Variants in PLXNC1 observed in about 807,000 individuals in gnomAD.
PLXNC1 encodes plexin-C1.
Under a neutral mutation model 178.2 loss-of-function variants are expected in PLXNC1, and 75 were observed. The ratio of observed to expected loss-of-function variants is 0.42; its 90% CI spans 0.35 to 0.51. The LOEUF (loss-of-function observed/expected upper bound fraction) is 0.51. Ranked by LOEUF, PLXNC1 falls within the 20% of genes least tolerant of loss-of-function variation. The pLI is 0.02. For missense variants in PLXNC1, 1,503 were observed against 1,984.4 expected, an observed-to-expected ratio of 0.76 and a Z score of 4.61; for synonymous variants, 790 against 779.9, an observed-to-expected ratio of 1.01 and a Z score of -0.22.
intron 11 of PLXNC1, among the ~76,000 whole-genome samples, chr12:94,242,292 A>C (rs1175292089): frequency 2.8e-5 from 4 of 143,392 alleles, no homozygotes; most frequent in South Asian, 2.2e-4. Flanking sequence ...TCTCTGTCCT[A>C]ATCTCCCCAA....
chr12:94,191,769 C>A (rs1460229280), intron 4 of PLXNC1, among the ~76,000 whole-genome samples: 73 of 141,184 alleles, frequency 5.2e-4, no homozygotes, highest in South Asian at 1.1e-3. Context: ...AACTCCATCT[C>A]AAAAAAAAAA....
chr12:94,222,815 T>C (rs1473002274), intron 6 of PLXNC1, among the ~76,000 whole-genome samples: 2 of 152,228 alleles, frequency 1.3e-5, no homozygotes, highest in Non-Finnish European at 2.9e-5. Flanking sequence ...TGACTGTCCC[T>C]GTGTTCATTC....
At chr12:94,202,788 C>T (rs529792317) in intron 4 of PLXNC1, among the ~76,000 whole-genome samples, 3 of 152,282 alleles carry the variant, frequency 2.0e-5, no homozygotes, top group South Asian at 4.2e-4. Context: ...GAGATAGACT[C>T]ATCAACCAAA....
Position 94,301,045 on chromosome 12 carries a change from G to A in PLXNC1, c.4374G>A (p.Gln1458=). ...AFMDAFSLTE[Q]QLGKEAPTNK... ...TGGATGCATTTTCTCTCACAGAGCA[G>A]CAACTAGGGAAGGTAAGGCCCAGCT... Residue 1458 remains glutamine, a synonymous_variant, in exon 28 of 31, where the codon CAG becomes CAA. Transcript: ENST00000258526. 1.9e-6 allele frequency: 3 copies of A among 1,613,702 alleles called. No homozygotes were observed. The highest frequency in any genetic ancestry group is 2.5e-6 in the Non-Finnish European group (3 of 1,179,700).
Position 94,240,488 on chromosome 12 carries a change from A to G in PLXNC1, c.2124A>G (p.Ile708Met), listed in dbSNP as rs776185848. ...KGTSTCDKDV[I>M]QVSHVLNDTH... ...TTCTTTTTCTACTCTTTTCTAGGAT[A>G]CAGGTTAGCCATGTGCTAAATGACA... The change falls in exon 11 of 31, where the codon ATA (isoleucine) becomes ATG (methionine). Residue 708 changes from isoleucine (I) to methionine (M), a missense_variant. This residue lies in a region of PLXNC1 where 615 missense variants were observed against 698.6 expected (regional missense o/e 0.88). Transcript: ENST00000258526. The G allele has an allele frequency of 2.4e-5, 39 of 1,612,304 alleles. No homozygotes were observed. The highest frequency in any genetic ancestry group is 3.2e-5 in the Non-Finnish European group (38 of 1,178,974).
intron 23 of PLXNC1, among the ~76,000 whole-genome samples, chr12:94,291,663 C>T (rs1171373348): frequency 3.3e-5 from 5 of 152,186 alleles, no homozygotes; most frequent in Non-Finnish European, 5.9e-5. Flanking sequence ...CCCGAAGAAA[C>T]CTTGAATTCA....
chr12:94,161,812 C>G (rs1961393917), intron 1 of PLXNC1, among the ~76,000 whole-genome samples: 1 of 152,176 alleles, frequency 6.6e-6, no homozygotes, highest in African/African-American at 2.4e-5. Flanking sequence ...CAAGGCAGAA[C>G]CAAGGCCCAG....
intron 30 of PLXNC1, 42 bp downstream of exon 30, chr12:94,304,093 C>A (rs1424290205): frequency 6.6e-6 from 8 of 1,208,494 alleles, no homozygotes; most frequent in Non-Finnish European, 9.6e-6. Context: ...TTGAATCAGG[C>A]ACAAGGATGT....
chr12:94,268,178 A>G (rs1965360045), intron 21 of PLXNC1, among the ~76,000 whole-genome samples: 1 of 152,210 alleles, frequency 6.6e-6, no homozygotes, highest in South Asian at 2.1e-4. Flanking sequence ...TAGCAATCTA[A>G]AAGTTAGCTT....
chr12:94,298,336 G>A (rs1438632245), intron 26 of PLXNC1, among the ~76,000 whole-genome samples: 1 of 152,194 alleles, frequency 6.6e-6, no homozygotes, highest in Non-Finnish European at 1.5e-5. Flanking sequence ...TATGTAAACA[G>A]CCCTACAACT....
At chr12:94,282,067 C>G (rs887111527) in intron 22 of PLXNC1, 7 of 456,682 alleles carry the variant, frequency 1.5e-5, no homozygotes, top group Non-Finnish European at 2.4e-5. Flanking sequence ...TCTTCAGTGG[C>G]TTTACTTCCA....
At chr12:94,170,281 G>A (rs757718745) in intron 2 of PLXNC1, among the ~76,000 whole-genome samples, 4 of 152,048 alleles carry the variant, frequency 2.6e-5, no homozygotes, top group East Asian at 1.9e-4. Context: ...CCAGAAAAAC[G>A]CTTTCCTCTT....
At chr12:94,244,495 T>A (rs1964474656) in intron 12 of PLXNC1, among the ~76,000 whole-genome samples, 1 of 152,320 alleles carries the variant, frequency 6.6e-6, no homozygotes, top group African/African-American at 2.4e-5. Context: ...CGACCCAATT[T>A]GTTCCCTACC....
At chr12:94,262,949 G>A (rs2136084071) in intron 20 of PLXNC1, among the ~76,000 whole-genome samples, 1 of 152,304 alleles carries the variant, frequency 6.6e-6, no homozygotes, top group East Asian at 1.9e-4. Context: ...GAAGAGCTGT[G>A]ACTCTCCCCA....
intron 11 of PLXNC1, among the ~76,000 whole-genome samples, chr12:94,242,925 TC>T (rs140683841): frequency 0.02 from 2,978 of 152,322 alleles, 68 homozygotes; most frequent in East Asian, 0.06. Flanking sequence ...CACAGCAGTA[TC>T]CTGCTTTGCT....
At position 94,237,817 on chromosome 12, in the gene PLXNC1, C is replaced by G; in HGVS notation, c.2120+14C>G. ...TGATAAGGATGTGTGAGTCGAAATACTAATAATTTATCCTCGGTAACGTAA... is the reference window on the plus strand; with the variant it reads ...TGATAAGGATGTGTGAGTCGAAATAGTAATAATTTATCCTCGGTAACGTAA... On this transcript the variant is annotated intron_variant, in intron 10 of 30. Coordinates refer to ENST00000258526, the MANE Select transcript of PLXNC1 (RefSeq NM_005761.3). 6.2e-7 allele frequency: 1 copy of G among 1,611,498 alleles called. No individual in the cohort carries two copies. The highest frequency in any genetic ancestry group is 1.3e-5 in the African/African-American group (1 of 74,964).
intron 1 of PLXNC1, 58 bp from the exon 2 acceptor site, chr12:94,169,095 A>T: frequency 9.6e-6 from 14 of 1,455,422 alleles, no homozygotes; most frequent in Middle Eastern, 3.5e-4. Flanking sequence ...CAGTATAATG[A>T]GAACTATTGT....
At chr12:94,232,812 C>A (rs1964139696) in intron 9 of PLXNC1, among the ~76,000 whole-genome samples, 1 of 152,130 alleles carries the variant, frequency 6.6e-6, no homozygotes, top group Non-Finnish European at 1.5e-5. Context: ...AGTATCTAAG[C>A]CTCACAATGG....
intron 4 of PLXNC1, among the ~76,000 whole-genome samples, chr12:94,188,323 C>CTTTT (rs141025919): frequency 1.6e-5 from 2 of 127,786 alleles, no homozygotes; most frequent in African/African-American, 2.9e-5. Flanking sequence ...TCTTTTTGTC[C>CTTTT]TTTTTTTTTT....
Sources: allele counts gnomAD v4.1 joint callset (sites outside exome capture counted in the v4.1 genomes callset), GRCh38; gene constraint gnomAD v4.1.1; regional missense constraint gnomAD v4.1.1; transcripts MANE v1.5; gene names NCBI Gene and HGNC (gene_info 2026-07-23, HGNC 2026-07-21).